ADAMTSL1: variants seen among roughly 807,000 people sequenced by gnomAD.
ADAMTSL1 encodes the protein ADAMTS-like protein 1.
Under a neutral mutation model 201.8 loss-of-function variants are expected in ADAMTSL1, and 126 were observed. The observed-to-expected ratio is 0.62, with a 90% CI of 0.54 to 0.72. The LOEUF (loss-of-function observed/expected upper bound fraction) is 0.72. Among genes scored for constraint, ADAMTSL1 ranks in the 30% least tolerant of loss-of-function variants. The pLI is 0.00. For missense variants in ADAMTSL1, 2,679 were observed against 2,277.8 expected (o/e 1.18, Z -3.59); for synonymous variants, 1,121 against 903.4 (o/e 1.24, Z -4.32).
intron 23 of ADAMTSL1, among the ~76,000 whole-genome samples, chr9:18,875,125 T>C (rs1198557441): frequency 2.0e-5 from 3 of 152,174 alleles, no homozygotes; most frequent in Non-Finnish European, 4.4e-5. Context: ...CCCATTTTGT[T>C]TCTAATTGAG....
At chr9:17,936,313 T>C (rs770643767) in intron 1 of ADAMTSL1, among the ~76,000 whole-genome samples, 1 of 152,180 alleles carries the variant, frequency 6.6e-6, no homozygotes, top group Non-Finnish European at 1.5e-5. Flanking sequence ...CATTTTTAAA[T>C]TATGACTCTT....
chr9:18,577,346 C>T (rs201972645), intron 4 of ADAMTSL1, among the ~76,000 whole-genome samples: 6 of 152,144 alleles, frequency 3.9e-5, no homozygotes, highest in Non-Finnish European at 7.4e-5. Context: ...ATTAGCCAGG[C>T]GTGATGGCAG....
At chr9:18,622,620 A>C in intron 5 of ADAMTSL1, 1 of 586,436 alleles carries the variant, frequency 1.7e-6, no homozygotes, top group Non-Finnish European at 3.0e-6. Flanking sequence ...GGGGCTACAA[A>C]TACTTTCTGT....
At chr9:18,304,032 T>G (rs946427272) in intron 2 of ADAMTSL1, among the ~76,000 whole-genome samples, 1 of 152,190 alleles carries the variant, frequency 6.6e-6, no homozygotes, top group Non-Finnish European at 1.5e-5. Context: ...CATTTAACCT[T>G]GGCCTGTGGG....
chr9:17,918,755 A>C (rs749564967), intron 1 of ADAMTSL1, among the ~76,000 whole-genome samples: 2 of 151,804 alleles, frequency 1.3e-5, no homozygotes, highest in Non-Finnish European at 3.0e-5. Flanking sequence ...TTATTGTATC[A>C]ATTATTGAGA....
At chr9:18,456,520 G>A (rs1054897943) in intron 2 of ADAMTSL1, among the ~76,000 whole-genome samples, 1 of 152,152 alleles carries the variant, frequency 6.6e-6, no homozygotes, top group African/African-American at 2.4e-5. Flanking sequence ...GGACATCATT[G>A]GCAGCCTGAA....
intron 2 of ADAMTSL1, among the ~76,000 whole-genome samples, chr9:18,385,511 A>G (rs1391029756): frequency 6.6e-6 from 1 of 152,212 alleles, no homozygotes; most frequent in Non-Finnish European, 1.5e-5. Flanking sequence ...ATTTTTAAAC[A>G]AAAAATGCTG....
At chr9:18,105,470 C>T (rs552278686) in intron 1 of ADAMTSL1, among the ~76,000 whole-genome samples, 1 of 152,116 alleles carries the variant, frequency 6.6e-6, no homozygotes, top group Non-Finnish European at 1.5e-5. Flanking sequence ...ATTGAAATCA[C>T]CTTATTTTGA....
intron 2 of ADAMTSL1, among the ~76,000 whole-genome samples, chr9:18,235,065 G>A (rs1018778691): frequency 2.4e-4 from 36 of 152,116 alleles, no homozygotes; most frequent in African/African-American, 8.4e-4. Context: ...AATCCTAAAT[G>A]TTTTTCTGAT....
At chr9:18,562,440 G>C (rs776514252) in intron 3 of ADAMTSL1, among the ~76,000 whole-genome samples, 11 of 152,148 alleles carry the variant, frequency 7.2e-5, no homozygotes, top group Non-Finnish European at 1.3e-4. Context: ...CTCTCTGGCT[G>C]CCCTTAACAT....
intron 19 of ADAMTSL1, among the ~76,000 whole-genome samples, chr9:18,787,700 C>T (rs1481595309): frequency 6.6e-6 from 1 of 152,152 alleles, no homozygotes; most frequent in Non-Finnish European, 1.5e-5. Flanking sequence ...ACTGACTATA[C>T]TCAACTCTGT....
intron 1 of ADAMTSL1, among the ~76,000 whole-genome samples, chr9:17,947,846 C>T (rs1001365264): frequency 1.3e-5 from 2 of 152,100 alleles, no homozygotes; most frequent in African/African-American, 4.8e-5. Context: ...AACTATTCTA[C>T]CTGAACGAAA....
rs147555031 is a variant in ADAMTSL1 at position 18,363,501 on chromosome 9, A to T, written c.208-141328A>T. On this transcript the variant is annotated intron_variant, in intron 2 of 29. Transcript: ENST00000680146. ...AAGCTGTGTGACCTTAAGTTAAATT[A>T]TTTAACTTTTTGTGGTTTGGTTTGT... is the stretch of plus-strand genomic sequence containing the variant. 2.0e-3 allele frequency among the ~76,000 whole-genome samples: 305 copies of T among 152,344 alleles called. 1 individual carries two copies. The highest frequency in any genetic ancestry group is 6.7e-3 in the African/African-American group (280 of 41,582).
intron 3 of ADAMTSL1, among the ~76,000 whole-genome samples, chr9:18,534,601 TC>T (rs1819643242): frequency 6.6e-6 from 1 of 152,218 alleles, no homozygotes; most frequent in Non-Finnish European, 1.5e-5. Context: ...TTTTTATTAT[TC>T]CACATTTCTC....
chr9:18,750,471 C>T (rs577097302), intron 15 of ADAMTSL1, among the ~76,000 whole-genome samples: 1 of 152,250 alleles, frequency 6.6e-6, no homozygotes, highest in East Asian at 1.9e-4. Context: ...ATTCTCATTG[C>T]TTTATATAAT....
At chr9:18,505,369 A>C (rs1823068386) in intron 2 of ADAMTSL1, among the ~76,000 whole-genome samples, 1 of 152,256 alleles carries the variant, frequency 6.6e-6, no homozygotes. Context: ...TTTGCAAGTG[A>C]ATAACATATT....
chr9:18,892,740 C>A, intron 26 of ADAMTSL1, 144 bp downstream of exon 26: 1 of 871,598 alleles, frequency 1.1e-6, no homozygotes, highest in Non-Finnish European at 1.7e-6. Flanking sequence ...GTGGGTTGTC[C>A]AGCTGAGACA....
chr9:17,929,540 A>G (rs571490103), intron 1 of ADAMTSL1, among the ~76,000 whole-genome samples: 2 of 151,526 alleles, frequency 1.3e-5, no homozygotes, highest in Non-Finnish European at 1.5e-5. Flanking sequence ...CCTCCCTTCT[A>G]TCCTCCTCCT....
At chr9:18,173,619 G>C (rs967742463) in intron 2 of ADAMTSL1, among the ~76,000 whole-genome samples, 1 of 152,028 alleles carries the variant, frequency 6.6e-6, no homozygotes, top group Non-Finnish European at 1.5e-5. Context: ...ACAACAAATA[G>C]ATACCAAGAT....
Sources: gnomAD v4.1 joint callset for allele counts (sites outside exome capture counted in the v4.1 genomes callset) on GRCh38, gnomAD v4.1.1 for gene constraint, MANE v1.5 for transcripts, NCBI Gene and HGNC (gene_info 2026-07-23, HGNC 2026-07-21) for gene names.